Variants in LINGO2 observed in about 807,000 individuals in gnomAD.
LINGO2 encodes the protein leucine rich repeat and Ig domain containing 2.
A neutral mutation model predicts 30.6 loss-of-function variants in LINGO2; 14 were observed. The ratio of observed to expected loss-of-function variants is 0.46; its 90% CI spans 0.30 to 0.72. The LOEUF (loss-of-function observed/expected upper bound fraction) is 0.72, where lower values mean the gene tolerates loss of function less well. Ranked by LOEUF, LINGO2 falls within the 30% of genes least tolerant of loss-of-function variation. The pLI is 0.07. For missense variants in LINGO2, 729 were observed against 751.7 expected (o/e 0.97, Z 0.35); for synonymous variants, 317 against 288.5 (o/e 1.10, Z -1.00).
chr9:28,123,240 T>TA (rs1379948433), intron 4 of LINGO2, among the ~76,000 whole-genome samples: 2 of 152,194 alleles, frequency 1.3e-5, no homozygotes, highest in Admixed American at 1.3e-4. Context: ...AATTATCTCC[T>TA]AAAATCATAG....
chr9:28,356,065 T>G (rs1820196996), intron 3 of LINGO2, among the ~76,000 whole-genome samples: 1 of 152,140 alleles, frequency 6.6e-6, no homozygotes, highest in African/African-American at 2.4e-5. Flanking sequence ...TAGAAATAGA[T>G]TATGGAATTA....
chr9:28,562,448 A>G (rs1823142301), intron 1 of LINGO2, among the ~76,000 whole-genome samples: 1 of 68,712 alleles, frequency 1.5e-5, no homozygotes, highest in African/African-American at 5.6e-5. Context: ...AGCAATGTGC[A>G]TTTACTTTCA....
chr9:28,134,497 C>G (rs899697214), intron 4 of LINGO2, among the ~76,000 whole-genome samples: 8 of 152,322 alleles, frequency 5.3e-5, no homozygotes, highest in African/African-American at 1.9e-4. Flanking sequence ...TACCAAGTGC[C>G]ACTACGATCT....
intron 1 of LINGO2, among the ~76,000 whole-genome samples, chr9:28,579,308 G>T (rs1423224021): frequency 6.6e-6 from 1 of 152,016 alleles, no homozygotes; most frequent in African/African-American, 2.4e-5. Flanking sequence ...TATAGGAATG[G>T]TTTAAGGAGA....
At chr9:28,202,154 C>G (rs1239103893) in intron 4 of LINGO2, among the ~76,000 whole-genome samples, 2 of 152,130 alleles carry the variant, frequency 1.3e-5, no homozygotes, top group African/African-American at 4.8e-5. Context: ...ATACAGTCCT[C>G]CACTCCAGTA....
intron 3 of LINGO2, among the ~76,000 whole-genome samples, chr9:28,322,438 TACACAC>T (rs61397051): frequency 0.062 from 9,342 of 150,444 alleles, 434 homozygotes; most frequent in African/African-American, 0.12. Context: ...AGGCACTCAG[TACACAC>T]ACACACACAC....
At chr9:29,036,689 T>C in the LINGO2 span, among the ~76,000 whole-genome samples, 1 of 152,038 alleles carries the variant, frequency 6.6e-6, no homozygotes, top group Non-Finnish European at 1.5e-5. Context: ...TCATTCCATC[T>C]ATCAGAAAAA....
At chr9:28,406,544 C>G (rs1822523310) in intron 2 of LINGO2, among the ~76,000 whole-genome samples, 1 of 152,094 alleles carries the variant, frequency 6.6e-6, no homozygotes, top group Non-Finnish European at 1.5e-5. Flanking sequence ...TATGCATCCT[C>G]TATTTTCTTC....
At chr9:28,807,262 A>G in the LINGO2 span, among the ~76,000 whole-genome samples, 1 of 152,006 alleles carries the variant, frequency 6.6e-6, no homozygotes, top group Admixed American at 6.6e-5. Context: ...TGACCTTGAG[A>G]TCTGCCAGCC....
At chr9:28,647,909 T>G (rs1827912932) in intron 1 of LINGO2, among the ~76,000 whole-genome samples, 1 of 150,562 alleles carries the variant, frequency 6.6e-6, no homozygotes, top group Non-Finnish European at 1.5e-5. Flanking sequence ...TTTTTTTTTT[T>G]TTACTCCTTA....
rs570028379 is a variant in LINGO2 at position 28,106,647 on chromosome 9, T to C, written c.-86-94242A>G. On this transcript the variant is annotated intron_variant, in intron 4 of 5. Coordinates refer to ENST00000379992, the Ensembl canonical transcript of LINGO2. ...TCAGCATCTCTTCACAGCCTCCTCA[T>C]CCCACCACCCACCATTTTCTTGCCC... 3.9e-5 allele frequency among the ~76,000 whole-genome samples: 6 copies of C among 152,242 alleles called. No homozygotes were observed. The East Asian group carries it at 1.2e-3, about 29-fold the overall frequency.
At chr9:29,191,606 G>A in the LINGO2 span, among the ~76,000 whole-genome samples, 1 of 151,960 alleles carries the variant, frequency 6.6e-6, no homozygotes, top group Non-Finnish European at 1.5e-5. Context: ...GTCTTAAACT[G>A]CTTAAGCTTA....
rs34334824 is a variant in LINGO2 at position 28,544,578 on chromosome 9, C to CA, written c.-364-68554dup. Among the ~76,000 whole-genome samples, 373 of 152,208 alleles carry CA rather than the reference C, an allele frequency of 2.5e-3. 2 individuals are homozygous for CA. The highest frequency in any genetic ancestry group is 8.0e-3 in the African/African-American group (332 of 41,564). On this transcript the variant is annotated intron_variant, in intron 1 of 5. Transcript: ENST00000379992. The stretch of plus-strand genomic sequence containing the variant: ...GACCTACCATGGAGTCCAGAGTGGG[C>CA]ATTCCCACCCATGTTAGTATCTTTC...
chr9:29,021,803 TTTTG>T, the LINGO2 span, among the ~76,000 whole-genome samples: 1 of 152,106 alleles, frequency 6.6e-6, no homozygotes, highest in South Asian at 2.1e-4. Context: ...AATGTTGATA[TTTTG>T]TTTGCCTTCT....
intron 1 of LINGO2, among the ~76,000 whole-genome samples, chr9:28,482,070 G>C (rs962976044): frequency 1.3e-5 from 2 of 151,996 alleles, no homozygotes; most frequent in Non-Finnish European, 2.9e-5. Context: ...TGTGAATAGT[G>C]CCGCAATAAA....
At chr9:28,128,371 T>A (rs777630541) in intron 4 of LINGO2, among the ~76,000 whole-genome samples, 7 of 152,266 alleles carry the variant, frequency 4.6e-5, no homozygotes, top group Admixed American at 2.0e-4. Flanking sequence ...CATTCCCAGA[T>A]TAAAAATTGT....
the LINGO2 span, among the ~76,000 whole-genome samples, chr9:28,814,973 C>T: frequency 6.6e-6 from 1 of 152,014 alleles, no homozygotes; most frequent in Non-Finnish European, 1.5e-5. Flanking sequence ...AGAAAGTGTC[C>T]CTAAAACAAT....
chr9:29,061,475 T>TA, the LINGO2 span, among the ~76,000 whole-genome samples: 564 of 150,840 alleles, frequency 3.7e-3, 3 homozygotes, highest in South Asian at 0.011. Flanking sequence ...ATGCTGGTAT[T>TA]AAAAAAAAAT....
chr9:28,990,643 C>G, the LINGO2 span, among the ~76,000 whole-genome samples: 1 of 152,146 alleles, frequency 6.6e-6, no homozygotes, highest in African/African-American at 2.4e-5. Context: ...CGGCCGGGTA[C>G]TCCTCTGAGA....
Sources: allele counts gnomAD v4.1 joint callset (sites outside exome capture counted in the v4.1 genomes callset), GRCh38; gene constraint gnomAD v4.1.1; transcripts MANE v1.5; gene names NCBI Gene and HGNC (gene_info 2026-07-23, HGNC 2026-07-21).